Variants in HEATR4 observed in about 807,000 individuals in gnomAD.
HEATR4 encodes the protein HEAT repeat-containing protein 4.
In HEATR4, 95 loss-of-function variants were observed where a neutral mutation model predicts 108.8. That is an observed-to-expected ratio of 0.87 (90% CI 0.74 to 1.04). The LOEUF (loss-of-function observed/expected upper bound fraction) is 1.04. Ranked by LOEUF, HEATR4 falls within the 50% of genes least tolerant of loss-of-function variation. The probability of loss-of-function intolerance (pLI) is 0.00; values close to 1 mark genes in which losing one functional copy is unlikely to be tolerated. For synonymous variants in HEATR4, 443 were observed against 459.4 expected (o/e 0.96, Z 0.46); for missense variants, 1,152 against 1,253.8 (o/e 0.92, Z 1.23).
At chr14:73,520,564 G>A (rs1380556430) in intron 4 of HEATR4, 1 of 305,586 alleles carries the variant, frequency 3.3e-6, no homozygotes, top group African/African-American at 2.1e-5. Flanking sequence ...ATAGAGAAGA[G>A]ATGGATTGTT....
chr14:73,521,659 A>G (rs974703389), intron 3 of HEATR4, among the ~76,000 whole-genome samples: 6 of 152,236 alleles, frequency 3.9e-5, no homozygotes, highest in Admixed American at 6.5e-5. Flanking sequence ...TAAATGAGAT[A>G]GAAGCAATCT....
the HEATR4 span, among the ~76,000 whole-genome samples, chr14:73,616,440 C>G: frequency 6.6e-6 from 1 of 151,828 alleles, no homozygotes; most frequent in Non-Finnish European, 1.5e-5. Flanking sequence ...CACCTGTAAT[C>G]GCAGCACTTT....
the HEATR4 span, chr14:73,592,127 C>T: frequency 2.4e-4 from 379 of 1,562,796 alleles, 2 homozygotes; most frequent in East Asian, 8.8e-3. Flanking sequence ...GCGCCGACGC[C>T]CGCGGCGAGC....
rs1484070735 is a variant in HEATR4, at chr14:73,548,073, C to T, written c.-152+10678G>A. Among the ~76,000 whole-genome samples the T allele has an allele frequency of 1.3e-4, 15 of 114,588 alleles. 2 individuals carry two copies. Among genetic ancestry groups the T allele is most frequent in the African/African-American group, 3.7e-4 (13 of 35,336 alleles). The allele number at this position is 114,588 out of a possible 152,430, so 75.2% of individuals were successfully genotyped here. On this transcript the variant is annotated intron_variant, in intron 1 of 17. Transcript: ENST00000553558. Reference sequence around the variant, plus strand: ...CCTCCTGAGTAGCTGAGACTATAGGCACTTGCCACCATGCCCAGCTAATTT... The same window carrying T: ...CCTCCTGAGTAGCTGAGACTATAGGTACTTGCCACCATGCCCAGCTAATTT...
intron 9 of HEATR4, among the ~76,000 whole-genome samples, chr14:73,507,900 G>C (rs1886953264): frequency 1.3e-5 from 2 of 152,114 alleles, no homozygotes; most frequent in African/African-American, 4.8e-5. Context: ...TGGTACCACT[G>C]CACCTGTCTA....
the HEATR4 span, chr14:73,612,805 G>T: frequency 6.4e-6 from 9 of 1,405,040 alleles, no homozygotes; most frequent in Non-Finnish European, 7.4e-6. Context: ...TCCAGCCCAT[G>T]GGGCTGCTGT....
intron 2 of HEATR4, among the ~76,000 whole-genome samples, chr14:73,523,976 T>C (rs1162278246): frequency 3.3e-5 from 5 of 152,138 alleles, no homozygotes; most frequent in African/African-American, 9.7e-5. Context: ...TATTGCTACA[T>C]AGTTTTTATT....
the HEATR4 span, among the ~76,000 whole-genome samples, chr14:73,622,853 C>T: frequency 6.6e-6 from 1 of 152,068 alleles, no homozygotes; most frequent in Non-Finnish European, 1.5e-5. Context: ...GAATCCTATG[C>T]CCTTGCCTGG....
chr14:73,559,365 C>T (rs1022472591), upstream of HEATR4, among the ~76,000 whole-genome samples: 3 of 151,502 alleles, frequency 2.0e-5, no homozygotes, highest in Admixed American at 6.6e-5. Flanking sequence ...GTGATGTGTC[C>T]GCCTTGGCCT....
chr14:73,615,395 A>AC, the HEATR4 span, among the ~76,000 whole-genome samples: 2,926 of 120,086 alleles, frequency 0.024, 162 homozygotes, highest in South Asian at 0.14. Flanking sequence ...TGATAAAAAA[A>AC]AAAAAAAAAA....
chr14:73,490,825 C>G, intron 17 of HEATR4: 1 of 511,004 alleles, frequency 2.0e-6, no homozygotes, highest in Non-Finnish European at 3.1e-6. Context: ...TTGCCGCTGC[C>G]GCTACAGCTT....
At chr14:73,491,459 C>T in intron 17 of HEATR4, 1 of 1,428,278 alleles carries the variant, frequency 7.0e-7, no homozygotes, top group Non-Finnish European at 9.1e-7. Context: ...GACCTCGGCC[C>T]TGCTGTGCAC....
chr14:73,628,432 G>A, the HEATR4 span, among the ~76,000 whole-genome samples: 4 of 152,084 alleles, frequency 2.6e-5, no homozygotes, highest in Admixed American at 2.6e-4. Flanking sequence ...ATGAGCCACT[G>A]TGCCCAGCCC....
intron 17 of HEATR4, among the ~76,000 whole-genome samples, chr14:73,488,788 C>T (rs1237863141): frequency 6.6e-6 from 1 of 151,990 alleles, no homozygotes; most frequent in Non-Finnish European, 1.5e-5. Context: ...TTTGGGAGGC[C>T]GAGATAGGTG....
Position 73,539,338 on chromosome 14 carries a change from G to C in HEATR4, c.-151-9094C>G, listed in dbSNP as rs1287787960. The C allele has an allele frequency of 3.3e-5, 4 of 121,062 alleles. 1 individual carries two copies. Among genetic ancestry groups the C allele is most frequent in the Non-Finnish European group, 5.3e-5 (3 of 56,352 alleles). The allele number at this position is 121,062 out of a possible 1,614,324, so 7.5% of individuals were successfully genotyped here. A position where few individuals can be genotyped will look rare whatever the true frequency, so the allele number is the denominator to read the frequency against. On this transcript the variant is annotated intron_variant, in intron 1 of 17. Transcript: ENST00000553558. ...GGTACTGATTGTGGCCTCTCCTCTT[G>C]GCCTCGAATGGTATCCTTGTCATCA...
intron 2 of HEATR4, among the ~76,000 whole-genome samples, chr14:73,528,426 G>T (rs1888496631): frequency 6.9e-6 from 1 of 144,500 alleles, no homozygotes; most frequent in Non-Finnish European, 1.5e-5. Flanking sequence ...TTAAGGAATA[G>T]TTATTATCTG....
At chr14:73,620,187 A>AT in the HEATR4 span, among the ~76,000 whole-genome samples, 1 of 151,948 alleles carries the variant, frequency 6.6e-6, no homozygotes, top group Non-Finnish European at 1.5e-5. Context: ...AGTGCTGGGA[A>AT]TACAGGTGTG....
At chr14:73,509,253 G>A in intron 8 of HEATR4, 59 bp downstream of exon 8, 1 of 1,509,210 alleles carries the variant, frequency 6.6e-7, no homozygotes. Context: ...GACTGGGAAA[G>A]CTGATAGTGA....
At chr14:73,537,320 G>T in intron 1 of HEATR4, 1 of 1,030,958 alleles carries the variant, frequency 9.7e-7, no homozygotes, top group Non-Finnish European at 1.3e-6. Flanking sequence ...GCCCTAGTGG[G>T]CGTTTAGCCT....
Sources: gnomAD v4.1 joint callset for allele counts (sites outside exome capture counted in the v4.1 genomes callset) on GRCh38, gnomAD v4.1.1 for gene constraint, MANE v1.5 for transcripts, NCBI Gene and HGNC (gene_info 2026-07-23, HGNC 2026-07-21) for gene names.